MELK: variants seen among roughly 807,000 people sequenced by gnomAD.
MELK encodes maternal embryonic leucine zipper kinase, also known as pEg3 kinase.
In MELK, 81 loss-of-function variants were observed where a neutral mutation model predicts 85.0. That is an observed-to-expected ratio of 0.95 (90% CI 0.80 to 1.15). The LOEUF is 1.15. Ranked by LOEUF, MELK falls within the 50% of genes most tolerant of loss-of-function variation. The pLI is 0.00. For missense variants in MELK, 754 were observed against 777.5 expected (o/e 0.97, Z 0.36); for synonymous variants, 252 against 265.0 (o/e 0.95, Z 0.48).
intron 10 of MELK, among the ~76,000 whole-genome samples, chr9:36,638,594 T>C (rs1355929456): frequency 1.3e-5 from 2 of 152,156 alleles, no homozygotes; most frequent in African/African-American, 2.4e-5. Flanking sequence ...CTCCCTTACA[T>C]CTTAATTTAA....
At chr9:36,605,722 G>A (rs1211636231) in intron 7 of MELK, among the ~76,000 whole-genome samples, 2 of 151,086 alleles carry the variant, frequency 1.3e-5, no homozygotes, top group Non-Finnish European at 2.9e-5. Flanking sequence ...CAGGACTAGG[G>A]GTTAGATTTG....
chr9:36,640,587 C>T lies in MELK; in HGVS notation c.835-2410C>T, dbSNP rs114087657. On this transcript the variant is annotated intron_variant, in intron 10 of 17. Transcript: ENST00000298048. The stretch of plus-strand genomic sequence containing the variant: ...TCAGCCTCCTGAGTAGCTAGGACTA[C>T]GCATGTGAGCCATCGCACCTGGCTA... Among the ~76,000 whole-genome samples the T allele has an allele frequency of 3.5e-3, 528 of 152,252 alleles. 4 individuals are homozygous for T. Among genetic ancestry groups the T allele is most frequent in the African/African-American group, 0.012 (499 of 41,544 alleles).
At chr9:36,628,088 A>G (rs879187513) in intron 8 of MELK, among the ~76,000 whole-genome samples, 9 of 151,262 alleles carry the variant, frequency 5.9e-5, no homozygotes, top group African/African-American at 1.2e-4. Context: ...TTTAGTAGAG[A>G]CGGGGTTTCA....
Position 36,599,375 on chromosome 9 carries a change from A to G in MELK, c.475-19A>G, listed in dbSNP as rs377291053. On this transcript the variant is annotated intron_variant, in intron 6 of 17. Transcript: ENST00000298048. ...TTAAGCGTTGTAATTAATAAGTTTC[A>G]TTTTTATCTTATTGGCAGGGTAACA... The G allele has an allele frequency of 1.8e-5, 28 of 1,540,206 alleles. No homozygotes were observed. In the African/African-American group the frequency reaches 2.5e-4, roughly 14 times the overall value.
intron 17 of MELK, among the ~76,000 whole-genome samples, chr9:36,676,697 T>C (rs1172680931): frequency 6.6e-6 from 1 of 152,244 alleles, no homozygotes; most frequent in Non-Finnish European, 1.5e-5. Flanking sequence ...CGTGCCTTTC[T>C]GACAGGTTAC....
intron 16 of MELK, among the ~76,000 whole-genome samples, chr9:36,674,420 T>C (rs1408526643): frequency 6.6e-6 from 1 of 152,188 alleles, no homozygotes; most frequent in African/African-American, 2.4e-5. Flanking sequence ...AGGAAACATA[T>C]CCAACTAGGT....
chr9:36,628,512 C>T (rs916937383), intron 8 of MELK, among the ~76,000 whole-genome samples: 3 of 152,062 alleles, frequency 2.0e-5, no homozygotes, highest in South Asian at 4.2e-4. Flanking sequence ...CTCCACCTCC[C>T]GGATTCAAGC....
chr9:36,648,891 G>A (rs1172170206), intron 11 of MELK, among the ~76,000 whole-genome samples: 1 of 151,948 alleles, frequency 6.6e-6, no homozygotes, highest in Non-Finnish European at 1.5e-5. Flanking sequence ...GAAATTTGAG[G>A]AAAACTTCTA....
chr9:36,630,870 T>A (rs905560095), intron 9 of MELK, among the ~76,000 whole-genome samples: 1 of 152,096 alleles, frequency 6.6e-6, no homozygotes, highest in Non-Finnish European at 1.5e-5. Context: ...GCCAGGCTGG[T>A]CTCGAACTCC....
intron 8 of MELK, among the ~76,000 whole-genome samples, chr9:36,628,650 C>T (rs1828178879): frequency 6.6e-6 from 1 of 151,448 alleles, no homozygotes; most frequent in Non-Finnish European, 1.5e-5. Context: ...GATCTCTTGA[C>T]CTCGTGATCC....
chr9:36,643,186 C>A (rs1257892430), intron 11 of MELK, 103 bp downstream of exon 11: 2 of 860,842 alleles, frequency 2.3e-6, no homozygotes, highest in Non-Finnish European at 3.5e-6. Context: ...AGTTCGAGAC[C>A]AGCCTGGCCA....
Position 36,597,260 on chromosome 9 carries a change from G to A in MELK, c.444G>A (p.Leu148=). ...LLFDEYHKLK[L]IDFGLCAKPK... is the part of the protein sequence containing the mutation. Reference sequence around the variant, plus strand: ...TTGATGAATATCATAAATTAAAGCTGATTGACTTTGGTCTCTGTGCAAAAC... The same window carrying A: ...TTGATGAATATCATAAATTAAAGCTAATTGACTTTGGTCTCTGTGCAAAAC... Residue 148 remains leucine (L), a synonymous_variant, in exon 6 of 18, where the codon CTG becomes CTA. Coordinates refer to ENST00000298048, the MANE Select transcript of MELK (RefSeq NM_014791.4). 1 of 1,613,888 alleles carries A rather than the reference G, an allele frequency of 6.2e-7. No individual in the cohort carries two copies. Among genetic ancestry groups the A allele is most frequent in the Non-Finnish European group, 8.5e-7 (1 of 1,179,840 alleles).
intron 10 of MELK, among the ~76,000 whole-genome samples, chr9:36,635,420 C>T (rs143689152): frequency 2.8e-4 from 43 of 152,114 alleles, no homozygotes; most frequent in African/African-American, 9.6e-4. Context: ...CCTGCTACAA[C>T]GTTTGGCTAA....
At chr9:36,651,467 GA>G (rs1830690908) in intron 11 of MELK, among the ~76,000 whole-genome samples, 1 of 152,050 alleles carries the variant, frequency 6.6e-6, no homozygotes, top group South Asian at 2.1e-4. Flanking sequence ...ATCTGAAGCT[GA>G]AAAAAATTTT....
chr9:36,646,673 G>A (rs959306331), intron 11 of MELK, among the ~76,000 whole-genome samples: 6 of 152,222 alleles, frequency 3.9e-5, no homozygotes, highest in Middle Eastern at 3.4e-3. Context: ...ATGTGTGTTC[G>A]AGAACCTATT....
At chr9:36,669,197 T>A (rs933677638) in intron 14 of MELK, 113 bp from the exon 15 acceptor site, 1 of 571,400 alleles carries the variant, frequency 1.8e-6, no homozygotes, top group African/African-American at 2.0e-5. Context: ...GTCAAGTGAT[T>A]ATACTGTTTC....
At chr9:36,665,075 A>C (rs1048865479) in intron 13 of MELK, among the ~76,000 whole-genome samples, 5 of 152,134 alleles carry the variant, frequency 3.3e-5, no homozygotes. Flanking sequence ...TTAGTGATTG[A>C]TTTGTGGCCA....
At chr9:36,574,580 G>A (rs1194662177) in intron 1 of MELK, among the ~76,000 whole-genome samples, 1 of 151,990 alleles carries the variant, frequency 6.6e-6, no homozygotes, top group South Asian at 2.1e-4. Flanking sequence ...TCCAGCCTAG[G>A]TGACAGAACG....
intron 10 of MELK, among the ~76,000 whole-genome samples, chr9:36,638,282 C>CT (rs1169921011): frequency 3.3e-5 from 5 of 151,780 alleles, no homozygotes; most frequent in Admixed American, 1.3e-4. Context: ...TCCCTTACAT[C>CT]TTTTTTTTGT....
Sources: allele counts gnomAD v4.1 joint callset (sites outside exome capture counted in the v4.1 genomes callset), GRCh38; gene constraint gnomAD v4.1.1; transcripts MANE v1.5; gene names NCBI Gene and HGNC (gene_info 2026-07-23, HGNC 2026-07-21).